Variants in THADA observed in about 807,000 individuals in gnomAD.
The protein encoded by THADA is tRNA (32-2'-O)-methyltransferase regulator THADA.
In THADA, 213 loss-of-function variants were observed where a neutral mutation model predicts 219.8. The observed-to-expected ratio is 0.97, with a 90% CI of 0.87 to 1.09. The LOEUF (loss-of-function observed/expected upper bound fraction) is 1.09. Ranked by LOEUF, THADA falls within the 50% of genes least tolerant of loss-of-function variation. The pLI, the probability that THADA is intolerant of heterozygous loss-of-function variation, is 0.00. For synonymous variants in THADA, 1,018 were observed against 828.9 expected, an observed-to-expected ratio of 1.23 and a Z score of -3.92; for missense variants, 2,956 against 2,311.3, an observed-to-expected ratio of 1.28 and a Z score of -5.72.
At chr2:43,537,929 G>A (rs1420713275) in intron 21 of THADA, among the ~76,000 whole-genome samples, 2 of 142,996 alleles carry the variant, frequency 1.4e-5, no homozygotes, top group African/African-American at 2.6e-5. Flanking sequence ...GCCAGAATGG[G>A]ACCCAGACTC....
intron 31 of THADA, among the ~76,000 whole-genome samples, chr2:43,306,601 G>T (rs1676890916): frequency 6.6e-6 from 1 of 152,126 alleles, no homozygotes; most frequent in Non-Finnish European, 1.5e-5. Flanking sequence ...ATGCCCCTGG[G>T]GTTGAGGGTC....
chr2:43,352,495 T>C (rs574351538), intron 29 of THADA, among the ~76,000 whole-genome samples: 1 of 151,796 alleles, frequency 6.6e-6, no homozygotes, highest in South Asian at 2.1e-4. Context: ...GAGGTGGAGG[T>C]TGCGGTGAGC....
chr2:43,428,282 C>G (rs369583592), intron 27 of THADA, 51 bp from the exon 28 acceptor site: 4 of 1,509,558 alleles, frequency 2.6e-6, no homozygotes, highest in African/African-American at 2.8e-5. Flanking sequence ...GGTAGTGAAG[C>G]ACTCCTCCTT....
intron 30 of THADA, among the ~76,000 whole-genome samples, chr2:43,335,609 A>C (rs1666324263): frequency 6.6e-6 from 1 of 152,154 alleles, no homozygotes; most frequent in Non-Finnish European, 1.5e-5. Context: ...GCAGGGCTCA[A>C]TAGGTATTTG....
intron 36 of THADA, among the ~76,000 whole-genome samples, chr2:43,239,567 G>A (rs1315410292): frequency 1.3e-5 from 2 of 152,264 alleles, no homozygotes; most frequent in Admixed American, 6.5e-5. Flanking sequence ...TCTTCCAGGT[G>A]CCAACCTTGA....
At chr2:43,498,071 C>T (rs1393649477) in intron 25 of THADA, among the ~76,000 whole-genome samples, 1 of 151,814 alleles carries the variant, frequency 6.6e-6, no homozygotes, top group Non-Finnish European at 1.5e-5. Context: ...ACACACACAG[C>T]CCCCCACCCC....
chr2:43,595,328 A>G (rs1702026257), intron 1 of THADA, among the ~76,000 whole-genome samples: 1 of 152,222 alleles, frequency 6.6e-6, no homozygotes, highest in Admixed American at 6.5e-5. Flanking sequence ...TGTCGACAAC[A>G]GAATAATTTG....
chr2:43,304,657 A>AT (rs1454915984), intron 31 of THADA, among the ~76,000 whole-genome samples: 7 of 151,728 alleles, frequency 4.6e-5, no homozygotes, highest in African/African-American at 1.7e-4. Flanking sequence ...AGACGAAAAA[A>AT]TACAGAGCAG....
chr2:43,595,885 G>A (rs1702099586), intron 1 of THADA, 46 bp downstream of exon 1: 1 of 152,310 alleles, frequency 6.6e-6, no homozygotes, highest in Admixed American at 6.5e-5. Flanking sequence ...AACTGGCCGA[G>A]CCGAGCTACC....
intron 31 of THADA, among the ~76,000 whole-genome samples, chr2:43,305,449 G>C (rs1387975427): frequency 1.3e-5 from 2 of 152,076 alleles, no homozygotes; most frequent in African/African-American, 2.4e-5. Flanking sequence ...CTGGTTCTCT[G>C]AACCCCATCA....
intron 26 of THADA, among the ~76,000 whole-genome samples, chr2:43,454,977 G>A (rs1682810139): frequency 1.3e-5 from 2 of 151,794 alleles, no homozygotes; most frequent in African/African-American, 4.8e-5. Context: ...ACGAGTCTTG[G>A]GGTGAATCAT....
intron 1 of THADA, among the ~76,000 whole-genome samples, chr2:43,595,438 A>C (rs937422655): frequency 2.0e-5 from 3 of 152,230 alleles, no homozygotes; most frequent in Non-Finnish European, 4.4e-5. Flanking sequence ...TAGGGAGACT[A>C]TTCTCTGGTG....
At chr2:43,517,854 A>G (rs1691924481) in intron 22 of THADA, among the ~76,000 whole-genome samples, 1 of 152,180 alleles carries the variant, frequency 6.6e-6, no homozygotes, top group African/African-American at 2.4e-5. Flanking sequence ...CCTGGCTCAC[A>G]AAGCCCTACG....
intron 31 of THADA, among the ~76,000 whole-genome samples, chr2:43,313,134 C>A (rs1285275447): frequency 6.6e-6 from 1 of 152,156 alleles, no homozygotes; most frequent in South Asian, 2.1e-4. Context: ...TTAGGCAGTA[C>A]AAATACAGGG....
In THADA at chr2:43,577,201, G is replaced by A. The variant is rs1166130448; in HGVS notation, c.858C>T (p.Val286=). 2 of 1,602,574 alleles carry A rather than the reference G, an allele frequency of 1.2e-6. No individual in the cohort carries two copies. The highest frequency in any genetic ancestry group is 1.7e-5 in the Admixed American group (1 of 58,162). The change falls in exon 10 of 38, where the codon GTC becomes GTT. Residue 286 remains valine (V), a synonymous_variant. Transcript: ENST00000405975. ...TGCAGCTGCTCATAAACCACTCGGG[G>A]ACACTGGTGCAGTCCACTGAACGAA... ...VLLRSVDCTS[V]PEWFMSSCRS...
intron 7 of THADA, 140 bp downstream of exon 7, chr2:43,586,261 T>A: frequency 1.4e-6 from 1 of 719,406 alleles, no homozygotes; most frequent in Admixed American, 3.5e-5. Context: ...CAAGACCCCA[T>A]CTCAAAAAAA....
rs371566383 is a variant in THADA at position 43,531,178 on chromosome 2, G to T, written c.3265-3190C>A. The stretch of plus-strand genomic sequence containing the variant: ...TGTCTGGTGTCCATTAGAAGCATAA[G>T]TTCCAAAAAATGAAAGATCCTTTTG... On this transcript the variant is annotated intron_variant, in intron 21 of 37. Transcript: ENST00000405975. 7.2e-5 allele frequency among the ~76,000 whole-genome samples: 11 copies of T among 152,284 alleles called. No homozygotes were observed. The East Asian group carries it at 1.3e-3, about 19-fold the overall frequency.
At chr2:43,252,853 A>G (rs1435230882) in intron 36 of THADA, among the ~76,000 whole-genome samples, 1 of 151,954 alleles carries the variant, frequency 6.6e-6, no homozygotes, top group Non-Finnish European at 1.5e-5. Flanking sequence ...CTGTCTATAA[A>G]CTCACGCTGT....
intron 29 of THADA, among the ~76,000 whole-genome samples, chr2:43,366,761 T>C (rs1343457711): frequency 6.6e-6 from 1 of 152,192 alleles, no homozygotes; most frequent in African/African-American, 2.4e-5. Context: ...CCAAGTAACC[T>C]TGCAATACTA....
Sources: allele counts gnomAD v4.1 joint callset (sites outside exome capture counted in the v4.1 genomes callset), GRCh38; gene constraint gnomAD v4.1.1; transcripts MANE v1.5; gene names NCBI Gene and HGNC (gene_info 2026-07-23, HGNC 2026-07-21).